Variants in CA7 observed in about 807,000 individuals in gnomAD.
The protein encoded by CA7 is carbonic anhydrase 7.
A neutral mutation model predicts 31.4 loss-of-function variants in CA7; 13 were observed. The ratio of observed to expected loss-of-function variants is 0.41; its 90% confidence interval spans 0.27 to 0.66. CA7 has a LOEUF of 0.66. Among genes scored for constraint, CA7 ranks in the 30% least tolerant of loss-of-function variants. The pLI, the probability that CA7 is intolerant of heterozygous loss-of-function variation, is 0.28. For missense variants in CA7, 215 were observed against 351.0 expected (o/e 0.61, Z 3.10); for synonymous variants, 128 against 133.2 (o/e 0.96, Z 0.27).
chr16:66,850,528 C>T lies in CA7; in HGVS notation c.239-13C>T. ...CTCCTACTCATTGCCACTCGCCCCA[C>T]TTCTACCCACAGTGGTGACTGGGGG... On this transcript the variant is annotated splice_polypyrimidine_tract_variant and intron_variant, in intron 2 of 6. Transcript: ENST00000338437. The T allele has an allele frequency of 6.7e-7, 1 of 1,501,552 alleles. No individual in the cohort carries two copies. Among genetic ancestry groups the T allele is most frequent in the South Asian group, 1.1e-5 (1 of 88,906 alleles). The allele number at this position is 1,501,552 out of a possible 1,614,324, so 93.0% of individuals were successfully genotyped here.
rs1275961688 is a variant in CA7, at chr16:66,852,780, C to T, written c.585C>T (p.Thr195=). 6 of 1,614,098 alleles carry T rather than the reference C, an allele frequency of 3.7e-6. No homozygotes were observed. The highest frequency in any genetic ancestry group is 1.3e-5 in the African/African-American group (1 of 75,012). Residue 195 remains threonine (T), a synonymous_variant, in exon 6 of 7, where the codon ACC becomes ACT. Coordinates refer to ENST00000338437, the MANE Select transcript of CA7 (RefSeq NM_005182.3). ...TGCCTGCCAGCCGGCACTACTGGAC[C>T]TACCCGGGCTCTCTGACGACTCCCC... is the stretch of plus-strand genomic sequence containing the variant. ...CLLPASRHYW[T]YPGSLTTPPL... is the part of the protein sequence containing the mutation.
chr16:66,848,289 T>C lies in CA7; in HGVS notation c.238+1062T>C, dbSNP rs1960968753. ...GGAGAGAGACAAAGCATTTATTTCCTGGTACTGAATTCTAAGAAAAGCCTC... is the reference window on the plus strand; with the variant it reads ...GGAGAGAGACAAAGCATTTATTTCCCGGTACTGAATTCTAAGAAAAGCCTC... On this transcript the variant is annotated intron_variant, in intron 2 of 6. Transcript: ENST00000338437. 3.3e-5 allele frequency among the ~76,000 whole-genome samples: 5 copies of C among 152,336 alleles called. No homozygotes were observed. In the South Asian group the frequency reaches 1.0e-3, roughly 32 times the overall value.
chr16:66,852,777 G>A lies in CA7; in HGVS notation c.582G>A (p.Trp194Ter). The A allele has an allele frequency of 6.2e-7, 1 of 1,614,022 alleles. No individual in the cohort carries two copies. The highest frequency in any genetic ancestry group is 8.5e-7 in the Non-Finnish European group (1 of 1,179,996). ...KCLLPASRHYWTYPGSLTTPP... is the reference protein window; with the variant it reads ...KCLLPASRHY Reference sequence around the variant, plus strand: ...TCCTGCCTGCCAGCCGGCACTACTGGACCTACCCGGGCTCTCTGACGACTC... The same window carrying A: ...TCCTGCCTGCCAGCCGGCACTACTGAACCTACCCGGGCTCTCTGACGACTC... Residue 194 changes from tryptophan (W) to a stop codon, truncating the protein, a stop_gained, in exon 6 of 7, where the codon TGG becomes TGA. Transcript: ENST00000338437. LOFTEE classifies it high-confidence loss of function.
intron 1 of CA7, among the ~76,000 whole-genome samples, chr16:66,844,773 C>A (rs1960887837): frequency 6.6e-6 from 1 of 152,234 alleles, no homozygotes; most frequent in South Asian, 2.1e-4. Context: ...TGTGTCCTGC[C>A]GCCTCCTCCG....
rs1961115334 is a variant in CA7, at chr16:66,853,717, G to A, written c.*219G>A. The A allele has an allele frequency of 1.7e-6, 1 of 574,606 alleles. No individual in the cohort carries two copies. The highest frequency in any genetic ancestry group is 3.0e-6 in the Non-Finnish European group (1 of 331,186). 35.6% of individuals were successfully genotyped at this position (574,606 alleles called of 1,614,324 possible). ...ACAGGAAGGACAGGAGCTAAGCAGG[G>A]TCCAAGCCTGGGGCTGCCTCTGCTC... On this transcript the variant is annotated 3_prime_UTR_variant, in exon 7 of 7. Coordinates refer to ENST00000338437, the MANE Select transcript of CA7 (RefSeq NM_005182.3). This position sits in a 1 kb window ranked among gnomAD's most constrained non-coding sequence, Gnocchi z 4.5.
chr16:66,847,766 G>GTC (rs989967983), intron 2 of CA7, among the ~76,000 whole-genome samples: 14 of 151,628 alleles, frequency 9.2e-5, no homozygotes, highest in African/African-American at 2.4e-4. Flanking sequence ...CAGCCTGAAG[G>GTC]TCTCTCTCTC....
intron 6 of CA7, 108 bp downstream of exon 6, chr16:66,852,975 T>C: frequency 1.0e-6 from 1 of 975,540 alleles, no homozygotes; most frequent in Non-Finnish European, 1.5e-6. Flanking sequence ...ACCTTCAAGG[T>C]TCCTCCCCAT....
chr16:66,844,433 G>C lies in CA7; in HGVS notation c.-55G>C. On this transcript the variant is annotated 5_prime_UTR_variant, in exon 1 of 7. Coordinates refer to ENST00000338437, the MANE Select transcript of CA7 (RefSeq NM_005182.3). ...GCGAGCGGGGCCGGAGCCGCAGCCC[G>C]AACGAGCGGACCGAGCCGACCGGGC... 2.7e-6 allele frequency: 4 copies of C among 1,476,702 alleles called. 1 individual carries two copies. The highest frequency in any genetic ancestry group is 2.5e-5 in the South Asian group (2 of 79,094). The allele number at this position is 1,476,702 out of a possible 1,614,324, so 91.5% of individuals were successfully genotyped here. A position where few individuals can be genotyped will look rare whatever the true frequency, so the allele number is the denominator to read the frequency against.
chr16:66,846,118 G>C (rs879336034), intron 1 of CA7, among the ~76,000 whole-genome samples: 9 of 152,076 alleles, frequency 5.9e-5, no homozygotes, highest in Non-Finnish European at 1.2e-4. Flanking sequence ...TGAGCCTCTC[G>C]GCTGCAGATG....
Position 66,851,720 on chromosome 16 carries a change from G to A in CA7, c.510G>A (p.Arg170=). The A allele has an allele frequency of 6.2e-7, 1 of 1,613,810 alleles. No homozygotes were observed. The highest frequency in any genetic ancestry group is 8.5e-7 in the Non-Finnish European group (1 of 1,179,862). ...TGACAGATGCGCTCTACATGGTCCG[G>A]TTCAAGGTAAAGTCCCTGCCCCTGA... ...NRLTDALYMV[R]FKGTKAQFSC... is the part of the protein sequence containing the mutation. The change falls in exon 5 of 7, where the codon CGG becomes CGA. Residue 170 remains arginine (R), a synonymous_variant. Transcript: ENST00000338437.
chr16:66,850,712 C>G (rs202085571), intron 3 of CA7, 53 bp downstream of exon 3: 16 of 1,319,002 alleles, frequency 1.2e-5, no homozygotes, highest in Non-Finnish European at 1.6e-5. Flanking sequence ...GGAACGCAGG[C>G]CTGGGTAGTC....
At chr16:66,846,194 T>A (rs972159417) in intron 1 of CA7, among the ~76,000 whole-genome samples, 4 of 151,950 alleles carry the variant, frequency 2.6e-5, no homozygotes, top group Non-Finnish European at 5.9e-5. Flanking sequence ...TGTGTGTGTG[T>A]GTGTGTGTGC....
In CA7 at chr16:66,853,503, C is replaced by T. The variant is rs373390082; in HGVS notation, c.*5C>T. 3.0e-5 allele frequency: 49 copies of T among 1,613,830 alleles called. No individual in the cohort carries two copies. The African/African-American group carries it at 6.0e-4, about 20-fold the overall frequency. On this transcript the variant is annotated 3_prime_UTR_variant, in exon 7 of 7. Transcript: ENST00000338437. This position sits in a 1 kb window ranked among gnomAD's most constrained non-coding sequence, Gnocchi z 4.5. ...AAGGCCTCCTTCCGGGCCTGAGCTG[C>T]CCATCTGCCTAGCCGGCCACTAGGG...
chr16:66,852,439 G>C (rs900954549), intron 5 of CA7, among the ~76,000 whole-genome samples: 8 of 149,642 alleles, frequency 5.3e-5, no homozygotes, highest in African/African-American at 9.9e-5. Flanking sequence ...CTCCAGCCTG[G>C]GTGACAGAGT....
chr16:66,853,535 C>A lies in CA7; in HGVS notation c.*37C>A. 1 of 1,611,452 alleles carries A rather than the reference C, an allele frequency of 6.2e-7. No homozygotes were observed. On this transcript the variant is annotated 3_prime_UTR_variant, in exon 7 of 7. Transcript: ENST00000338437. This position sits in a 1 kb window ranked among gnomAD's most constrained non-coding sequence, Gnocchi z 4.5. ...GCCTAGCCGGCCACTAGGGCACCAT[C>A]TTCTCAAGGGCTTCCATGTCAGCAG...
chr16:66,844,503 G>A lies in CA7; in HGVS notation c.16G>A (p.Gly6Ser). The change falls in exon 1 of 7, where the codon GGC becomes AGC. Residue 6 changes from glycine to serine, a missense_variant. Physicochemically the swap from Gly to Ser is moderately conservative, Grantham distance 56 (BLOSUM62 0). Coordinates refer to ENST00000338437, the MANE Select transcript of CA7 (RefSeq NM_005182.3). ...CGGCAGCGGCATGACCGGCCACCAC[G>A]GCTGGGGCTACGGCCAGGACGACGG... MTGHH[G>S]WGYGQDDGPS... 3.2e-6 allele frequency: 5 copies of A among 1,543,560 alleles called. No homozygotes were observed. The South Asian group carries it at 6.0e-5, about 19-fold the overall frequency.
chr16:66,851,750 A>C (rs774517383), intron 5 of CA7, 24 bp downstream of exon 5: 1 of 1,603,830 alleles, frequency 6.2e-7, no homozygotes, highest in Non-Finnish European at 8.5e-7. Flanking sequence ...CCCTGACCCA[A>C]GCAGCCCGAT....
At chr16:66,848,627 C>T (rs152165) in intron 2 of CA7, among the ~76,000 whole-genome samples, 41,313 of 152,096 alleles carry the variant, frequency 0.27, 6,578 homozygotes, top group East Asian at 0.4. Flanking sequence ...TGCCACTCAC[C>T]CACTGTGGGT....
At chr16:66,846,284 G>A (rs936592675) in intron 1 of CA7, among the ~76,000 whole-genome samples, 6 of 152,142 alleles carry the variant, frequency 3.9e-5, no homozygotes, top group African/African-American at 9.7e-5. Flanking sequence ...GAGCATATGC[G>A]TGTGTCAGAT....
Sources: gnomAD v4.1 joint callset for allele counts (sites outside exome capture counted in the v4.1 genomes callset) on GRCh38, gnomAD v4.1.1 for gene constraint, Gnocchi (gnomAD v3.1) non-coding constraint, MANE v1.5 for transcripts, NCBI Gene and HGNC (gene_info 2026-07-23, HGNC 2026-07-21) for gene names.